MYCBP2: variants seen among roughly 807,000 people sequenced by gnomAD.
MYCBP2 encodes the protein E3 ubiquitin-protein ligase MYCBP2.
A neutral mutation model predicts 525.3 loss-of-function variants in MYCBP2; 120 were observed. The observed-to-expected ratio is 0.23, with a 90% CI of 0.20 to 0.27. The LOEUF (loss-of-function observed/expected upper bound fraction) is 0.27. Among genes scored for constraint, MYCBP2 ranks in the 10% least tolerant of loss-of-function variants. MYCBP2 has a pLI of 1.00. For synonymous variants in MYCBP2, 1,894 were observed against 1,955.8 expected, an observed-to-expected ratio of 0.97 and a Z score of 0.83; for missense variants, 4,149 against 5,657.1, an observed-to-expected ratio of 0.73 and a Z score of 8.55.
intron 50 of MYCBP2, 54 bp from the exon 51 acceptor site, chr13:77,140,217 TA>T: frequency 8.8e-7 from 1 of 1,130,314 alleles, no homozygotes; most frequent in Non-Finnish European, 1.3e-6. Context: ...ATAGAGATCT[TA>T]CAAGTAGCAA....
chr13:77,308,480 G>A (rs1211773260), intron 1 of MYCBP2, among the ~76,000 whole-genome samples: 1 of 152,126 alleles, frequency 6.6e-6, no homozygotes, highest in African/African-American at 2.4e-5. Flanking sequence ...ATCTCTCTGT[G>A]CCTCAGTTCT....
intron 3 of MYCBP2, among the ~76,000 whole-genome samples, chr13:77,282,600 T>C (rs2076317931): frequency 6.6e-6 from 1 of 151,994 alleles, no homozygotes; most frequent in Non-Finnish European, 1.5e-5. Context: ...CCCTCCGATC[T>C]CTCACAGAAA....
chr13:77,259,380 A>T (rs994469929), intron 13 of MYCBP2, among the ~76,000 whole-genome samples: 2 of 152,238 alleles, frequency 1.3e-5, no homozygotes, highest in African/African-American at 4.8e-5. Context: ...TCAAAAAGGC[A>T]GTATCCAGGT....
At chr13:77,278,380 C>T (rs558845798) in intron 4 of MYCBP2, among the ~76,000 whole-genome samples, 4 of 152,222 alleles carry the variant, frequency 2.6e-5, no homozygotes, top group African/African-American at 9.6e-5. Flanking sequence ...AATGTGTGTG[C>T]ACGAACTTCA....
intron 1 of MYCBP2, among the ~76,000 whole-genome samples, chr13:77,324,231 C>T (rs2082028920): frequency 6.6e-6 from 1 of 152,224 alleles, no homozygotes; most frequent in Non-Finnish European, 1.5e-5. Flanking sequence ...CCTAGAGCCA[C>T]AGAGGCTACT....
chr13:77,185,967 T>C lies in MYCBP2; in HGVS notation c.4348A>G (p.Thr1450Ala), dbSNP rs1181340793. Residue 1450 changes from threonine to alanine, a missense_variant, in exon 31 of 83, where the codon ACA becomes GCA. By Grantham distance (58) the Thr-to-Ala change is moderately conservative (BLOSUM62 0). This residue lies in a region of MYCBP2 where 292 missense variants were observed against 330.5 expected (regional missense o/e 0.88). Transcript: ENST00000544440. The stretch of plus-strand genomic sequence containing the variant: ...CTCTCTAAATCTAGGAGTGTAGCTG[T>C]GAACTGGAATCCTTTTAATCCTCTA... The part of the protein sequence containing the change: ...ELRGLKGFQF[T>A]ATLLDLERLR... 2 of 1,613,958 alleles carry C rather than the reference T, an allele frequency of 1.2e-6. No homozygotes were observed.
chr13:77,210,193 A>G (rs964985784), intron 23 of MYCBP2, among the ~76,000 whole-genome samples: 2 of 148,368 alleles, frequency 1.3e-5, no homozygotes, highest in East Asian at 4.0e-4. Context: ...CACCACAATA[A>G]TTTTTTTTTC....
At chr13:77,285,657 A>G (rs945643356) in intron 3 of MYCBP2, among the ~76,000 whole-genome samples, 1 of 152,004 alleles carries the variant, frequency 6.6e-6, no homozygotes, top group African/African-American at 2.4e-5. Context: ...GCGGTGGCAC[A>G]TGCCTGTAAT....
chr13:77,259,846 C>G (rs1011648956), intron 13 of MYCBP2, among the ~76,000 whole-genome samples: 1 of 152,094 alleles, frequency 6.6e-6, no homozygotes, highest in African/African-American at 2.4e-5. Flanking sequence ...AATCTAGTAA[C>G]CAAATATGAC....
intron 47 of MYCBP2, among the ~76,000 whole-genome samples, chr13:77,147,307 T>C (rs2055751937): frequency 1.3e-5 from 2 of 152,052 alleles, no homozygotes. Flanking sequence ...CAGGCTTCAA[T>C]TGTACCTGTA....
intron 24 of MYCBP2, among the ~76,000 whole-genome samples, chr13:77,206,370 T>C (rs986190085): frequency 7.9e-5 from 12 of 150,966 alleles, no homozygotes; most frequent in African/African-American, 2.9e-4. Flanking sequence ...TTTTATCATA[T>C]CTTTAAAAGT....
Position 77,326,503 on chromosome 13 carries a change from C to T in MYCBP2, c.273G>A (p.Gly91=). The T allele has an allele frequency of 6.3e-7, 1 of 1,591,494 alleles. No individual in the cohort carries two copies. The highest frequency in any genetic ancestry group is 1.1e-5 in the South Asian group (1 of 90,008). ...AGGCTGGGTGTCCAGCGCTGCCGCC[C>T]CCCTGGTCCCTGTCATTGAGCGCAG... ...YTAALNDRDQ[G]GGSAGHPASR... is the part of the protein sequence containing the mutation. The change falls in exon 1 of 83, where the codon GGG becomes GGA. Residue 91 remains glycine, a synonymous_variant. Transcript: ENST00000544440. This position sits in a 1 kb window ranked among gnomAD's most constrained non-coding sequence, Gnocchi z 4.2.
chr13:77,090,965 C>T (rs1408527224), intron 59 of MYCBP2, among the ~76,000 whole-genome samples: 1 of 151,952 alleles, frequency 6.6e-6, no homozygotes, highest in African/African-American at 2.4e-5. Flanking sequence ...AAGAGAAATC[C>T]CTTCTCTTTC....
Position 77,150,796 on chromosome 13 carries a change from CTAGCTTTGGTGA to C in MYCBP2, c.7057_7068del (p.Ser2353_Leu2356del). On this transcript the variant is annotated inframe_deletion, in exon 47 of 83. Transcript: ENST00000544440. ...ACTATCATTGGTTCATATGAAACAT[CTAGCTTTGGTGA>C]TGCCAGCCCTCCATAAGTCATGTCA... is the stretch of plus-strand genomic sequence containing the variant. 1 of 1,614,140 alleles carries C rather than the reference CTAGCTTTGGTGA, an allele frequency of 6.2e-7. No homozygotes were observed.
intron 55 of MYCBP2, chr13:77,118,635 G>C: frequency 1.8e-6 from 1 of 561,588 alleles, no homozygotes; most frequent in Non-Finnish European, 3.2e-6. Flanking sequence ...GTGAAAATTG[G>C]TGACTGTTAA....
chr13:77,244,437 G>A (rs2069499160), intron 15 of MYCBP2, among the ~76,000 whole-genome samples: 1 of 152,150 alleles, frequency 6.6e-6, no homozygotes, highest in African/African-American at 2.4e-5. Flanking sequence ...TTTAATAAAT[G>A]GTGCTGGGAA....
Position 77,255,450 on chromosome 13 carries a change from G to A in MYCBP2, c.2176+2221C>T, listed in dbSNP as rs574512757. ...ATCTAGAACATAGGTGTAAATGTAC[G>A]CTCAATTTTCACAAGAGTTTCAGAA... On this transcript the variant is annotated intron_variant, in intron 14 of 82. Transcript: ENST00000544440. 6.6e-5 allele frequency among the ~76,000 whole-genome samples: 10 copies of A among 151,768 alleles called. No homozygotes were observed. In the South Asian group the frequency reaches 1.0e-3, roughly 16 times the overall value.
chr13:77,108,444 G>A (rs917069548), intron 55 of MYCBP2, among the ~76,000 whole-genome samples: 8 of 152,080 alleles, frequency 5.3e-5, no homozygotes, highest in Admixed American at 3.9e-4. Context: ...ATTGCTTCCC[G>A]AGCATTAACT....
chr13:77,313,006 T>C (rs1203389026), intron 1 of MYCBP2, among the ~76,000 whole-genome samples: 3 of 151,986 alleles, frequency 2.0e-5, no homozygotes, highest in Admixed American at 1.3e-4. Context: ...AGACAGAACA[T>C]ATCCTGGGCA....
Sources: gnomAD v4.1 joint callset for allele counts (sites outside exome capture counted in the v4.1 genomes callset) on GRCh38, gnomAD v4.1.1 for gene constraint, gnomAD v4.1.1 regional missense constraint, Gnocchi (gnomAD v3.1) non-coding constraint, MANE v1.5 for transcripts, NCBI Gene and HGNC (gene_info 2026-07-23, HGNC 2026-07-21) for gene names.